RERE: variants seen among roughly 807,000 people sequenced by gnomAD.
RERE encodes arginine-glutamic acid dipeptide repeats, also known as arginine-glutamic acid dipeptide repeats protein.
RERE carries 40 observed loss-of-function variants against 146.1 expected under a neutral mutation model. The ratio of observed to expected loss-of-function variants is 0.27; its 90% confidence interval spans 0.21 to 0.36. The LOEUF (loss-of-function observed/expected upper bound fraction) is 0.36. Ranked by LOEUF, RERE falls within the 10% of genes least tolerant of loss-of-function variation. The pLI is 1.00. For missense variants in RERE, 1,933 were observed against 2,138.7 expected, an observed-to-expected ratio of 0.90 and a Z score of 1.90; for synonymous variants, 1,003 against 866.0, an observed-to-expected ratio of 1.16 and a Z score of -2.78.
At chr1:8,807,827 T>G (rs894361847) in intron 1 of RERE, among the ~76,000 whole-genome samples, 2 of 152,180 alleles carry the variant, frequency 1.3e-5, no homozygotes, top group Non-Finnish European at 2.9e-5. Context: ...CAGTGAAATT[T>G]AGGAGGATGA....
rs1421433644 is a variant in RERE at position 8,656,045 on chromosome 1, G to A, written c.253C>T (p.Arg85Cys). The change falls in exon 2 of 23, where the codon CGT becomes TGT. Residue 85 changes from arginine to cysteine, a missense_variant. This residue lies in a region of RERE where 107 missense variants were observed against 119.7 expected (regional missense o/e 0.89). Coordinates refer to ENST00000400908, the MANE Select transcript of RERE (RefSeq NM_001042681.2). ...TCACCGGTATCTGTCCTTTCATAAC[G>A]AGACTTTTTTTTCGGTGGTTTCTTC... Reference protein sequence around the residue: ...NKKKPPKKKSRYERTDTGEIT... With the variant: ...NKKKPPKKKSCYERTDTGEIT... 20 of 1,614,096 alleles carry A rather than the reference G, an allele frequency of 1.2e-5. 1 individual carries two copies. The South Asian group carries it at 1.4e-4, about 12-fold the overall frequency.
chr1:8,753,976 T>A (rs542391255), intron 1 of RERE: 1 of 152,334 alleles, frequency 6.6e-6, no homozygotes, highest in East Asian at 1.9e-4. Flanking sequence ...TTCAGATGTG[T>A]CAAATGTGTC....
intron 4 of RERE, among the ~76,000 whole-genome samples, chr1:8,607,989 G>C (rs74640733): frequency 0.16 from 24,557 of 152,012 alleles, 2,384 homozygotes; most frequent in Middle Eastern, 0.26. Flanking sequence ...GCCTCCCAAA[G>C]CGCTGGGATT....
In RERE at chr1:8,774,473, C is replaced by A. The variant is rs1044510492; in HGVS notation, c.-145+42687G>T. ...GGTTCAAGCGATTCTCCTGCCTCAG[C>A]CTCCCTAGTAGCTGGGATTACAGGC... On this transcript the variant is annotated intron_variant, in intron 1 of 22. Transcript: ENST00000400908. Among the ~76,000 whole-genome samples the A allele has an allele frequency of 7.9e-5, 12 of 151,618 alleles. No individual in the cohort carries two copies. The East Asian group carries it at 2.3e-3, about 29-fold the overall frequency.
chr1:8,559,289 A>AAAAAAAAAAAAC (rs1557686436), intron 4 of RERE, among the ~76,000 whole-genome samples: 1 of 141,624 alleles, frequency 7.1e-6, no homozygotes, highest in Non-Finnish European at 1.5e-5. Context: ...TCAAAAAAAA[A>AAAAAAAAAAAAC]AAAAAAAAAA....
chr1:8,806,890 C>G (rs373771430), intron 1 of RERE: 1 of 152,318 alleles, frequency 6.6e-6, no homozygotes. Flanking sequence ...CACACATAAT[C>G]ATATTCCTCA....
intron 2 of RERE, among the ~76,000 whole-genome samples, chr1:8,630,044 T>C (rs1183076527): frequency 6.6e-6 from 1 of 152,182 alleles, no homozygotes; most frequent in Admixed American, 6.5e-5. Flanking sequence ...CCACCCTCAA[T>C]GCTTGGAGGT....
At position 8,369,520 on chromosome 1, in the gene RERE, A is replaced by T. The variant is rs750472822; in HGVS notation, c.1285-3546T>A. Among the ~76,000 whole-genome samples, 527 of 129,076 alleles carry T rather than the reference A, an allele frequency of 4.1e-3. 3 individuals carry two copies. The highest frequency in any genetic ancestry group is 5.8e-3 in the Non-Finnish European group (378 of 65,170). The allele number at this position is 129,076 out of a possible 152,430, so 84.7% of individuals were successfully genotyped here. ...TTTCGCCTTTTACTAAAAAAAAAAA[A>T]AAAAAAAAAAAAAAAAAGAAGAAAA... On this transcript the variant is annotated intron_variant, in intron 12 of 22. Transcript: ENST00000400908.
rs1395468451 is a variant in RERE, at chr1:8,495,080, G to C, written c.1087C>G (p.Leu363Val). The C allele has an allele frequency of 1.9e-6, 3 of 1,612,668 alleles. No homozygotes were observed. Among genetic ancestry groups the C allele is most frequent in the South Asian group, 1.1e-5 (1 of 91,044 alleles). ...CVAASRDDTT[L>V]NALNTLHESG... is the part of the protein sequence containing the mutation. ...AGACTTACTGTGTTCAGTGCATTCA[G>C]AGTGGTGTCATCCCGAGAGGCTGCG... Residue 363 changes from leucine to valine, a missense_variant, in exon 10 of 23, where the codon CTG becomes GTG. Transcript: ENST00000400908.
chr1:8,401,151 C>T (rs146562584), intron 12 of RERE, among the ~76,000 whole-genome samples: 1 of 147,066 alleles, frequency 6.8e-6, no homozygotes. Context: ...TATAAGTCAT[C>T]GTTACAAAGA....
intron 4 of RERE, among the ~76,000 whole-genome samples, chr1:8,573,344 T>C (rs1646246673): frequency 6.6e-6 from 1 of 152,118 alleles, no homozygotes. Flanking sequence ...TATATATATA[T>C]AACTAAAAAT....
chr1:8,559,394 C>G (rs1176727366), intron 4 of RERE, among the ~76,000 whole-genome samples: 1 of 150,408 alleles, frequency 6.6e-6, no homozygotes, highest in Admixed American at 6.6e-5. Flanking sequence ...CACATGCCTA[C>G]AAAAATACGG....
At chr1:8,475,572 C>T (rs535133198) in intron 10 of RERE, among the ~76,000 whole-genome samples, 3 of 151,728 alleles carry the variant, frequency 2.0e-5, no homozygotes, top group Admixed American at 2.0e-4. Context: ...ATCTCAGCTA[C>T]TCAGGAGGCT....
At chr1:8,400,832 C>T (rs1643222909) in intron 12 of RERE, among the ~76,000 whole-genome samples, 1 of 63,868 alleles carries the variant, frequency 1.6e-5, no homozygotes, top group Admixed American at 2.1e-4. Flanking sequence ...GGTGAAACAC[C>T]ATCTCAAAAA....
chr1:8,450,808 A>G (rs1267220544), intron 11 of RERE, among the ~76,000 whole-genome samples: 1 of 152,142 alleles, frequency 6.6e-6, no homozygotes, highest in African/African-American at 2.4e-5. Context: ...GACCAGCACC[A>G]AAGTCTCTTC....
chr1:8,600,226 C>T (rs1394150259), intron 4 of RERE, among the ~76,000 whole-genome samples: 3 of 152,136 alleles, frequency 2.0e-5, no homozygotes, highest in Non-Finnish European at 2.9e-5. Context: ...CTGTGAGAGT[C>T]CATTAAACCT....
intron 10 of RERE, among the ~76,000 whole-genome samples, chr1:8,470,943 C>T (rs1644675878): frequency 6.7e-6 from 1 of 149,164 alleles, no homozygotes; most frequent in Non-Finnish European, 1.5e-5. Flanking sequence ...CTCAGCCTCC[C>T]GAGTACCTGG....
chr1:8,788,563 C>T (rs1238634590), intron 1 of RERE, among the ~76,000 whole-genome samples: 1 of 152,010 alleles, frequency 6.6e-6, no homozygotes, highest in African/African-American at 2.4e-5. Flanking sequence ...TGGGATTTCA[C>T]CATGTTGGCC....
intron 8 of RERE, among the ~76,000 whole-genome samples, chr1:8,497,940 A>C (rs1368198020): frequency 6.6e-6 from 1 of 152,264 alleles, no homozygotes; most frequent in African/African-American, 2.4e-5. Flanking sequence ...ATGATACCTC[A>C]CCTAAGGATA....
Sources: gnomAD v4.1 joint callset for allele counts (sites outside exome capture counted in the v4.1 genomes callset) on GRCh38, gnomAD v4.1.1 for gene constraint, gnomAD v4.1.1 regional missense constraint, MANE v1.5 for transcripts, NCBI Gene and HGNC (gene_info 2026-07-23, HGNC 2026-07-21) for gene names.